The following AK9 variants were observed in gnomAD, a reference collection of about 807,000 sequenced individuals.
AK9 encodes adenylate kinase 9, also known as adenylate kinase domain containing 1.
In AK9, 191 loss-of-function variants were observed where a neutral mutation model predicts 239.6. The observed-to-expected ratio is 0.80, with a 90% confidence interval of 0.71 to 0.90. The LOEUF (loss-of-function observed/expected upper bound fraction) is 0.90. Ranked by LOEUF, AK9 falls within the 40% of genes least tolerant of loss-of-function variation. AK9 has a pLI of 0.00. For synonymous variants in AK9, 689 were observed against 721.0 expected (o/e 0.96, Z 0.71); for missense variants, 1,995 against 2,214.7 (o/e 0.90, Z 1.99).
chr6:109,629,719 G>A (rs1304948922), intron 12 of AK9, among the ~76,000 whole-genome samples: 1 of 151,316 alleles, frequency 6.6e-6, no homozygotes, highest in East Asian at 1.9e-4. Flanking sequence ...TGCAAGCTCC[G>A]CCTCCCGGGT....
At chr6:109,618,515 A>G (rs1476476519) in intron 13 of AK9, among the ~76,000 whole-genome samples, 1 of 151,946 alleles carries the variant, frequency 6.6e-6, no homozygotes, top group East Asian at 1.9e-4. Flanking sequence ...TGGTCAGGAG[A>G]AAGACCACCA....
intron 32 of AK9, among the ~76,000 whole-genome samples, chr6:109,512,582 A>G (rs1359453688): frequency 1.3e-5 from 2 of 152,176 alleles, no homozygotes; most frequent in African/African-American, 4.8e-5. Context: ...TAAACTTTTC[A>G]TCTGAAGAGC....
intron 13 of AK9, 134 bp downstream of exon 13, chr6:109,618,958 A>G (rs1259608993): frequency 4.1e-6 from 4 of 987,180 alleles, no homozygotes; most frequent in Non-Finnish European, 4.3e-6. Context: ...TCCATTCTTC[A>G]ACCATTTGTT....
At chr6:109,630,119 T>C (rs1198948325) in intron 12 of AK9, among the ~76,000 whole-genome samples, 1 of 151,998 alleles carries the variant, frequency 6.6e-6, no homozygotes, top group Non-Finnish European at 1.5e-5. Flanking sequence ...TTAAAGAAAA[T>C]AATATATAAC....
chr6:109,526,462 A>C (rs758165761), intron 29 of AK9, among the ~76,000 whole-genome samples: 13 of 152,152 alleles, frequency 8.5e-5, no homozygotes, highest in Non-Finnish European at 1.6e-4. Context: ...ATAAATTCAT[A>C]GTCTCAGAGA....
chr6:109,516,996 C>T (rs2128117435), intron 29 of AK9, among the ~76,000 whole-genome samples: 1 of 152,130 alleles, frequency 6.6e-6, no homozygotes, highest in South Asian at 2.1e-4. Context: ...TGCGTTCCTT[C>T]ATTGGTGAAG....
rs186633009 is a variant in AK9 at position 109,554,161 on chromosome 6, C to T, written c.2752-3859G>A. Among the ~76,000 whole-genome samples, 915 of 152,170 alleles carry T rather than the reference C, an allele frequency of 6.0e-3. 7 individuals are homozygous for T. Among genetic ancestry groups the T allele is most frequent in the Middle Eastern group, 0.014 (4 of 294 alleles). ...TATCAGGGATATTGGCTGAAGCTTTCTTTTTTTGTTGTGTCTCTGCCAGGT... is the reference window on the plus strand; with the variant it reads ...TATCAGGGATATTGGCTGAAGCTTTTTTTTTTTGTTGTGTCTCTGCCAGGT... On this transcript the variant is annotated intron_variant, in intron 24 of 40. Transcript: ENST00000424296.
chr6:109,642,808 A>G (rs759407050), intron 9 of AK9, among the ~76,000 whole-genome samples: 6 of 152,170 alleles, frequency 3.9e-5, no homozygotes, highest in Non-Finnish European at 5.9e-5. Flanking sequence ...GTGAAGTTCT[A>G]TCTTGCACAC....
rs149203781 is a variant in AK9 at position 109,578,923 on chromosome 6, G to A, written c.2191+627C>T. Among the ~76,000 whole-genome samples, 24 of 152,092 alleles carry A rather than the reference G, an allele frequency of 1.6e-4. No individual in the cohort carries two copies. The East Asian group carries it at 4.2e-3, about 27-fold the overall frequency. On this transcript the variant is annotated intron_variant, in intron 20 of 40. Coordinates refer to ENST00000424296, the MANE Select transcript of AK9 (RefSeq NM_001145128.3). ...GTATAATTTTGATTTTCTTAAATTC[G>A]CTGAGACCTGTTTTGTGGCCTATTA... is the stretch of plus-strand genomic sequence containing the variant.
At position 109,627,317 on chromosome 6, in the gene AK9, G is replaced by A. The variant is rs551897235; in HGVS notation, c.1254+5606C>T. On this transcript the variant is annotated intron_variant, in intron 12 of 40. Transcript: ENST00000424296. ...ATATCTCCTGAAGAACCTGCCTGAG[G>A]CTGTTTTACAGTTAACGTTTTCTAC... Among the ~76,000 whole-genome samples, 4 of 151,904 alleles carry A rather than the reference G, an allele frequency of 2.6e-5. No homozygotes were observed. In the South Asian group the frequency reaches 8.3e-4, roughly 32 times the overall value.
intron 17 of AK9, among the ~76,000 whole-genome samples, chr6:109,592,346 C>A (rs1014912482): frequency 6.6e-6 from 1 of 151,238 alleles, no homozygotes; most frequent in Non-Finnish European, 1.5e-5. Flanking sequence ...ATTCTAGGGG[C>A]AAATAGGAAA....
At chr6:109,632,860 G>GACAT in intron 12 of AK9, 63 bp downstream of exon 12, 1 of 846,784 alleles carries the variant, frequency 1.2e-6, no homozygotes, top group Non-Finnish European at 1.6e-6. Context: ...ATGACAGATA[G>GACAT]ACATAGATAG....
intron 24 of AK9, among the ~76,000 whole-genome samples, chr6:109,554,616 C>A (rs1163837712): frequency 6.7e-6 from 1 of 149,312 alleles, no homozygotes; most frequent in Non-Finnish European, 1.5e-5. Context: ...ACTGCAACCT[C>A]CACCTCCCAG....
At chr6:109,606,726 A>T (rs986073892) in intron 17 of AK9, among the ~76,000 whole-genome samples, 3 of 152,210 alleles carry the variant, frequency 2.0e-5, no homozygotes, top group African/African-American at 4.8e-5. Context: ...GCTGTAGAGT[A>T]AGGTCCCATG....
chr6:109,520,093 C>T (rs1445214214), intron 29 of AK9, among the ~76,000 whole-genome samples: 3 of 152,106 alleles, frequency 2.0e-5, no homozygotes, highest in Non-Finnish European at 4.4e-5. Context: ...TGTGCAGAAG[C>T]TCCATAGTCT....
At chr6:109,572,753 A>G (rs766555309) in intron 21 of AK9, among the ~76,000 whole-genome samples, 58 of 152,136 alleles carry the variant, frequency 3.8e-4, no homozygotes, top group Non-Finnish European at 7.2e-4. Flanking sequence ...AAGACCTTTT[A>G]GTTTGTAGGA....
chr6:109,677,421 T>G (rs1374786552), intron 1 of AK9, among the ~76,000 whole-genome samples: 1 of 152,168 alleles, frequency 6.6e-6, no homozygotes, highest in Non-Finnish European at 1.5e-5. Context: ...AACATTTTGC[T>G]GATGAACACT....
At position 109,505,808 on chromosome 6, in the gene AK9, T is replaced by A. The variant is rs75361480; in HGVS notation, c.4849+519A>T. Among the ~76,000 whole-genome samples, 821 of 152,324 alleles carry A rather than the reference T, an allele frequency of 5.4e-3. 11 individuals carry two copies. The highest frequency in any genetic ancestry group is 0.019 in the African/African-American group (794 of 41,562). ...TAGAACAAACATGCCCACGTCATAA[T>A]CTATTTTGGCTGCTATAACCAAATG... On this transcript the variant is annotated intron_variant, in intron 35 of 40. Coordinates refer to ENST00000424296, the MANE Select transcript of AK9 (RefSeq NM_001145128.3).
Position 109,564,075 on chromosome 6 carries a change from C to T in AK9, c.2635+5G>A. 1.9e-6 allele frequency: 3 copies of T among 1,548,172 alleles called. No homozygotes were observed. Among genetic ancestry groups the T allele is most frequent in the Non-Finnish European group, 2.6e-6 (3 of 1,145,610 alleles). On this transcript the variant is annotated splice_donor_5th_base_variant and intron_variant, in intron 23 of 40. Transcript: ENST00000424296. ...GATAATAAATGTTATGATTAAAGCC[C>T]TTACTTTCCATAGTCTCAACTACTT...
Sources: gnomAD v4.1 joint callset for allele counts (sites outside exome capture counted in the v4.1 genomes callset) on GRCh38, gnomAD v4.1.1 for gene constraint, MANE v1.5 for transcripts, NCBI Gene and HGNC (gene_info 2026-07-23, HGNC 2026-07-21) for gene names.